Variants in CCR9 observed in about 807,000 individuals in gnomAD.
The protein encoded by CCR9 is C-C motif chemokine receptor 9.
Under a neutral mutation model 8.7 loss-of-function variants are expected in CCR9, and 4 were observed. The observed-to-expected ratio is 0.46, with a 90% CI of 0.23 to 1.06. The LOEUF (loss-of-function observed/expected upper bound fraction) is 1.06. Among genes scored for constraint, CCR9 ranks in the 50% least tolerant of loss-of-function variants. The pLI, the probability that CCR9 is intolerant of heterozygous loss-of-function variation, is 0.21. For missense variants in CCR9, 394 were observed against 453.6 expected, an observed-to-expected ratio of 0.87 and a Z score of 1.19; for synonymous variants, 159 against 168.8, an observed-to-expected ratio of 0.94 and a Z score of 0.45.
intron 2 of CCR9, among the ~76,000 whole-genome samples, chr3:45,898,047 C>T (rs1367029150): frequency 1.3e-5 from 2 of 150,524 alleles, no homozygotes; most frequent in African/African-American, 4.9e-5. Context: ...ACTTCAAAAG[C>T]AAGTTTAGCA....
At chr3:45,895,092 C>T in intron 2 of CCR9, 138 bp downstream of exon 2, 2 of 907,218 alleles carry the variant, frequency 2.2e-6, no homozygotes, top group Non-Finnish European at 3.6e-6. Flanking sequence ...TGGCAATGCG[C>T]ATTGCTGGGT....
chr3:45,889,047 G>A (rs1261595655), intron 1 of CCR9, among the ~76,000 whole-genome samples: 4 of 152,204 alleles, frequency 2.6e-5, no homozygotes, highest in African/African-American at 9.7e-5. Context: ...GTGCAGCAGT[G>A]CAATGTTAGC....
chr3:45,891,416 T>G (rs1161056081), intron 1 of CCR9, among the ~76,000 whole-genome samples: 1 of 152,240 alleles, frequency 6.6e-6, no homozygotes, highest in Non-Finnish European at 1.5e-5. Context: ...TTTGTCCTAC[T>G]GGCTTTATTA....
chr3:45,896,156 T>C (rs1702349616), intron 2 of CCR9, among the ~76,000 whole-genome samples: 1 of 152,238 alleles, frequency 6.6e-6, no homozygotes, highest in South Asian at 2.1e-4. Context: ...ACTCTTCAGT[T>C]TCTCCTGCAT....
rs111468341 is a variant in CCR9 at position 45,898,027 on chromosome 3, C to CA, written c.22-2773dup. On this transcript the variant is annotated intron_variant, in intron 2 of 2. Transcript: ENST00000357632. ...ACACAAAACACCAACCCACAAATAA[C>CA]AAAAAAAAAACTTCAAAAGCAAGTT... is the stretch of plus-strand genomic sequence containing the variant. Among the ~76,000 whole-genome samples, 718 of 126,574 alleles carry CA rather than the reference C, an allele frequency of 5.7e-3. 29 individuals carry two copies. The East Asian group carries it at 0.12, about 21-fold the overall frequency. The allele number at this position is 126,574 out of a possible 152,430, so 83.0% of individuals were successfully genotyped here.
At chr3:45,897,558 C>T in intron 2 of CCR9, 4 of 1,531,696 alleles carry the variant, frequency 2.6e-6, no homozygotes, top group Non-Finnish European at 3.5e-6. Flanking sequence ...TCTGCTCCTG[C>T]AGTCTCCTCC....
chr3:45,888,804 A>G (rs976278432), intron 1 of CCR9, among the ~76,000 whole-genome samples: 2 of 151,468 alleles, frequency 1.3e-5, no homozygotes, highest in Non-Finnish European at 2.9e-5. Flanking sequence ...CAAAAATGAA[A>G]GAGAAATAGA....
At chr3:45,889,301 C>T (rs1027747382) in intron 1 of CCR9, among the ~76,000 whole-genome samples, 2 of 148,796 alleles carry the variant, frequency 1.3e-5, no homozygotes, top group African/African-American at 4.9e-5. Flanking sequence ...TATATATTAC[C>T]TTTAAAAAAA....
intron 1 of CCR9, among the ~76,000 whole-genome samples, chr3:45,891,511 G>A (rs1322783101): frequency 6.6e-6 from 1 of 152,004 alleles, no homozygotes; most frequent in African/African-American, 2.4e-5. Context: ...ATATGCCAAA[G>A]ACACTGTTCT....
intron 1 of CCR9, among the ~76,000 whole-genome samples, chr3:45,890,942 T>C (rs1376012038): frequency 1.3e-5 from 2 of 152,114 alleles, no homozygotes; most frequent in African/African-American, 4.8e-5. Context: ...AAATAAAAGT[T>C]CAAAGTGTAC....
At chr3:45,887,007 C>T (rs1441061816) in intron 1 of CCR9, among the ~76,000 whole-genome samples, 2 of 152,010 alleles carry the variant, frequency 1.3e-5, no homozygotes, top group Non-Finnish European at 2.9e-5. Context: ...GAGACACTGC[C>T]CCATGGAAAG....
chr3:45,887,200 T>G (rs894641431), intron 1 of CCR9, among the ~76,000 whole-genome samples: 1 of 152,038 alleles, frequency 6.6e-6, no homozygotes, highest in African/African-American at 2.4e-5. Context: ...GAAAGCAAGA[T>G]AGAAGATTAT....
chr3:45,894,968 T>C lies in CCR9; in HGVS notation c.21+14T>C, dbSNP rs757013404. 1 of 1,613,542 alleles carries C rather than the reference T, an allele frequency of 6.2e-7. No individual in the cohort carries two copies. Among genetic ancestry groups the C allele is most frequent in the Non-Finnish European group, 8.5e-7 (1 of 1,179,464 alleles). On this transcript the variant is annotated intron_variant, in intron 2 of 2. Coordinates refer to ENST00000357632, the MANE Select transcript of CCR9 (RefSeq NM_031200.3). ...ACAGACTTCACAGTGAGTACAGCCG[T>C]GCTCCTCTGGCTCCTCAAAACACAC...
At chr3:45,898,596 G>A (rs1326378218) in intron 2 of CCR9, among the ~76,000 whole-genome samples, 1 of 152,182 alleles carries the variant, frequency 6.6e-6, no homozygotes. Flanking sequence ...CTCACATATT[G>A]GAGATGGAGT....
intron 2 of CCR9, among the ~76,000 whole-genome samples, chr3:45,899,380 G>C (rs1702472580): frequency 6.6e-6 from 1 of 152,206 alleles, no homozygotes; most frequent in Admixed American, 6.5e-5. Context: ...GGAGAGCCCA[G>C]CTAACAGGAG....
upstream of CCR9, among the ~76,000 whole-genome samples, chr3:45,886,273 A>G (rs955219271): frequency 6.6e-6 from 1 of 152,182 alleles, no homozygotes; most frequent in African/African-American, 2.4e-5. Context: ...GGGATCCTCC[A>G]ATTTCCCCAT....
chr3:45,901,426 C>T lies in CCR9; in HGVS notation c.638C>T (p.Ala213Val), dbSNP rs2125762362. The T allele has an allele frequency of 1.2e-6, 2 of 1,614,204 alleles. No individual in the cohort carries two copies. Among genetic ancestry groups the T allele is most frequent in the Non-Finnish European group, 1.7e-6 (2 of 1,180,028 alleles). Residue 213 changes from alanine (A) to valine (V), a missense_variant, in exon 3 of 3, where the codon GCT (alanine) becomes GTT (valine). Physicochemically the swap from Ala to Val is moderately conservative, Grantham distance 64 (BLOSUM62 0). Transcript: ENST00000357632. The surrounding 1 kb of genome is among the most constrained non-coding windows in gnomAD (Gnocchi z 4.3). ...PSDESTKLKS[A>V]VLTLKVILGF... The stretch of plus-strand genomic sequence containing the variant: ...GATGAGAGCACCAAACTGAAGTCAG[C>T]TGTCTTGACCCTGAAGGTCATTCTG...
At chr3:45,892,345 T>C (rs1702206849) in intron 1 of CCR9, among the ~76,000 whole-genome samples, 1 of 152,004 alleles carries the variant, frequency 6.6e-6, no homozygotes, top group Non-Finnish European at 1.5e-5. Flanking sequence ...ATAAGGAAAA[T>C]GTGGTACATA....
intron 1 of CCR9, among the ~76,000 whole-genome samples, chr3:45,890,510 C>T (rs1360493322): frequency 2.0e-5 from 3 of 150,276 alleles, no homozygotes; most frequent in African/African-American, 7.4e-5. Context: ...AAGAGTAATG[C>T]TCAGCTCCAA....
Sources: allele counts gnomAD v4.1 joint callset (sites outside exome capture counted in the v4.1 genomes callset), GRCh38; gene constraint gnomAD v4.1.1; non-coding constraint Gnocchi (gnomAD v3.1); transcripts MANE v1.5; gene names NCBI Gene and HGNC (gene_info 2026-07-23, HGNC 2026-07-21).